GNAQ: variants seen among roughly 807,000 people sequenced by gnomAD.
GNAQ encodes the protein G protein subunit alpha q.
Under a neutral mutation model 43.9 loss-of-function variants are expected in GNAQ, and 8 were observed. The observed-to-expected ratio is 0.18, with a 90% CI of 0.11 to 0.33. GNAQ has a LOEUF of 0.33. Among genes scored for constraint, GNAQ ranks in the 10% least tolerant of loss-of-function variants. The pLI is 1.00. For synonymous variants in GNAQ, 155 were observed against 170.7 expected (o/e 0.91, Z 0.71); for missense variants, 158 against 450.8 (o/e 0.35, Z 5.88).
chr9:77,978,205 T>C (rs958518318), intron 1 of GNAQ, among the ~76,000 whole-genome samples: 1 of 152,202 alleles, frequency 6.6e-6, no homozygotes, highest in Non-Finnish European at 1.5e-5. Context: ...GACAGGCTTC[T>C]ATCCCTGATG....
At chr9:77,999,585 T>C (rs1413313860) in intron 1 of GNAQ, among the ~76,000 whole-genome samples, 1 of 152,180 alleles carries the variant, frequency 6.6e-6, no homozygotes, top group African/African-American at 2.4e-5. Context: ...AGTATAAAGA[T>C]CTCATTCTCT....
chr9:77,857,209 A>G (rs1827769127), intron 2 of GNAQ, among the ~76,000 whole-genome samples: 1 of 152,222 alleles, frequency 6.6e-6, no homozygotes, highest in African/African-American at 2.4e-5. Flanking sequence ...CACCGTTGGT[A>G]TTAGCATCTT....
chr9:77,751,586 T>A (rs984278468), intron 5 of GNAQ, among the ~76,000 whole-genome samples: 1 of 152,118 alleles, frequency 6.6e-6, no homozygotes, highest in Non-Finnish European at 1.5e-5. Flanking sequence ...GTAGGTGGGC[T>A]GGGGATGGAC....
At chr9:77,992,444 G>C (rs1445080395) in intron 1 of GNAQ, among the ~76,000 whole-genome samples, 1 of 152,056 alleles carries the variant, frequency 6.6e-6, no homozygotes, top group Non-Finnish European at 1.5e-5. Flanking sequence ...ACACAAAATA[G>C]TGAAATTTGT....
intron 1 of GNAQ, among the ~76,000 whole-genome samples, chr9:77,994,330 T>C (rs912250023): frequency 2.0e-5 from 3 of 152,202 alleles, no homozygotes; most frequent in Admixed American, 2.0e-4. Flanking sequence ...GTGAGCCACC[T>C]CATCTAGCCA....
At chr9:77,765,314 A>G (rs918036824) in intron 5 of GNAQ, among the ~76,000 whole-genome samples, 1 of 152,232 alleles carries the variant, frequency 6.6e-6, no homozygotes, top group Non-Finnish European at 1.5e-5. Flanking sequence ...AATAATTTAA[A>G]AACGGATATC....
chr9:77,737,843 C>T (rs1318059475), intron 5 of GNAQ, among the ~76,000 whole-genome samples: 1 of 152,200 alleles, frequency 6.6e-6, no homozygotes, highest in Non-Finnish European at 1.5e-5. Flanking sequence ...GTTCCCATTG[C>T]ATCCTAGGTC....
chr9:77,944,240 A>C (rs1405904596), intron 1 of GNAQ, among the ~76,000 whole-genome samples: 1 of 151,964 alleles, frequency 6.6e-6, no homozygotes, highest in African/African-American at 2.4e-5. Flanking sequence ...TTGAAAATAA[A>C]TTACTTTCAT....
At chr9:77,888,886 G>A (rs1828353800) in intron 2 of GNAQ, among the ~76,000 whole-genome samples, 1 of 152,154 alleles carries the variant, frequency 6.6e-6, no homozygotes, top group Admixed American at 6.5e-5. Flanking sequence ...GAGTAGGGGA[G>A]AGGACACGGA....
At chr9:77,793,969 G>C (rs563540554) in intron 5 of GNAQ, among the ~76,000 whole-genome samples, 1 of 152,026 alleles carries the variant, frequency 6.6e-6, no homozygotes, top group African/African-American at 2.4e-5. Flanking sequence ...CAGAAAGGCC[G>C]CATCACCAAG....
At chr9:77,960,576 C>T (rs1027077214) in intron 1 of GNAQ, among the ~76,000 whole-genome samples, 4 of 151,992 alleles carry the variant, frequency 2.6e-5, no homozygotes, top group Admixed American at 6.6e-5. Flanking sequence ...AAAGGCATGC[C>T]GCAGGGAGTC....
chr9:77,778,106 G>A (rs543361523), intron 5 of GNAQ, among the ~76,000 whole-genome samples: 5 of 151,950 alleles, frequency 3.3e-5, no homozygotes, highest in Non-Finnish European at 7.4e-5. Context: ...AATAAGTGAA[G>A]GTAAATAAAA....
intron 2 of GNAQ, among the ~76,000 whole-genome samples, chr9:77,911,317 A>G (rs1214719108): frequency 6.6e-6 from 1 of 152,176 alleles, no homozygotes; most frequent in Non-Finnish European, 1.5e-5. Context: ...ATACATATAC[A>G]ATGTAGTGTC....
At chr9:78,029,222 T>C (rs1378202111) in intron 1 of GNAQ, among the ~76,000 whole-genome samples, 1 of 151,768 alleles carries the variant, frequency 6.6e-6, no homozygotes, top group East Asian at 1.9e-4. Context: ...GCAAATAGGG[T>C]TGGCTGGAGA....
chr9:77,890,755 A>C (rs2118107141), intron 2 of GNAQ, among the ~76,000 whole-genome samples: 1 of 152,314 alleles, frequency 6.6e-6, no homozygotes, highest in African/African-American at 2.4e-5. Context: ...AGTAACAAAA[A>C]TTCCATCAAA....
intron 2 of GNAQ, among the ~76,000 whole-genome samples, chr9:77,916,912 T>A (rs377358148): frequency 6.6e-6 from 1 of 152,168 alleles, no homozygotes; most frequent in South Asian, 2.1e-4. Context: ...CAATGGCCTA[T>A]CAATACTTTG....
At chr9:77,746,488 G>C (rs1267679809) in intron 5 of GNAQ, among the ~76,000 whole-genome samples, 4 of 152,128 alleles carry the variant, frequency 2.6e-5, no homozygotes, top group Admixed American at 1.3e-4. Context: ...TATGTTGACC[G>C]TGTTTTGAAA....
chr9:77,852,442 A>G (rs1027717143), intron 2 of GNAQ, among the ~76,000 whole-genome samples: 5 of 152,216 alleles, frequency 3.3e-5, no homozygotes, highest in African/African-American at 1.2e-4. Context: ...ATGGCAATGC[A>G]TAATCAACCT....
chr9:77,977,603 C>T (rs4745683), intron 1 of GNAQ, among the ~76,000 whole-genome samples: 31,940 of 152,020 alleles, frequency 0.21, 3,570 homozygotes, highest in South Asian at 0.37. Context: ...AAAACAAAGG[C>T]AACGCAGACA....
Sources: allele counts gnomAD v4.1 joint callset (sites outside exome capture counted in the v4.1 genomes callset), GRCh38; gene constraint gnomAD v4.1.1; transcripts MANE v1.5; gene names NCBI Gene and HGNC (gene_info 2026-07-23, HGNC 2026-07-21).